The following KALRN variants were observed in gnomAD, a reference collection of about 807,000 sequenced individuals.
The protein encoded by KALRN is kalirin.
A neutral mutation model predicts 353.7 loss-of-function variants in KALRN; 70 were observed. The observed-to-expected ratio is 0.20, with a 90% CI of 0.16 to 0.24. The LOEUF (loss-of-function observed/expected upper bound fraction) is 0.24. Ranked by LOEUF, KALRN falls within the 10% of genes least tolerant of loss-of-function variation. The pLI is 1.00. For missense variants in KALRN, 2,791 were observed against 3,756.7 expected, an observed-to-expected ratio of 0.74 and a Z score of 6.72; for synonymous variants, 1,391 against 1,434.8, an observed-to-expected ratio of 0.97 and a Z score of 0.69.
chr3:124,204,897 T>TG (rs2076278594), intron 1 of KALRN, among the ~76,000 whole-genome samples: 1 of 152,246 alleles, frequency 6.6e-6, no homozygotes, highest in Non-Finnish European at 1.5e-5. Flanking sequence ...ATCAGCTTAT[T>TG]AGGAGAACTC....
At chr3:124,368,551 G>A (rs1269281459) in intron 10 of KALRN, among the ~76,000 whole-genome samples, 2 of 149,640 alleles carry the variant, frequency 1.3e-5, no homozygotes, top group Admixed American at 1.3e-4. Context: ...GATGGCGGCC[G>A]GGCGGAGACG....
In KALRN at chr3:124,724,051, G is replaced by T. The variant is rs192200844; in HGVS notation, c.*4581G>T. 1.5e-4 allele frequency: 22 copies of T among 149,880 alleles called. No homozygotes were observed. In the East Asian group the frequency reaches 2.5e-3, roughly 17 times the overall value. 9.3% of individuals were successfully genotyped at this position (149,880 alleles called of 1,614,324 possible). On this transcript the variant is annotated 3_prime_UTR_variant, in exon 60 of 60. Coordinates refer to ENST00000682506, the MANE Select transcript of KALRN (RefSeq NM_001388419.1). ...GAATCTTTTTTTTTTTTTTTAGGTG[G>T]TTAGGTCTTTTAGGAGTTGCATATT... is the stretch of plus-strand genomic sequence containing the variant.
chr3:124,547,751 C>A (rs1182488433), intron 33 of KALRN, among the ~76,000 whole-genome samples: 8 of 151,762 alleles, frequency 5.3e-5, no homozygotes, highest in Non-Finnish European at 8.8e-5. Flanking sequence ...TGCCCCTCCC[C>A]ACCCCCCAGC....
At chr3:124,495,965 G>GTATATGTA (rs2063708073) in intron 32 of KALRN, among the ~76,000 whole-genome samples, 1 of 41,478 alleles carries the variant, frequency 2.4e-5, no homozygotes, top group African/African-American at 1.4e-4. Context: ...GTGTATGTAT[G>GTATATGTA]TATATATATA....
intron 33 of KALRN, among the ~76,000 whole-genome samples, chr3:124,545,590 T>C (rs1229064714): frequency 6.6e-6 from 1 of 152,204 alleles, no homozygotes; most frequent in African/African-American, 2.4e-5. Flanking sequence ...TCCTGCCCTT[T>C]GCTAGAAGAG....
intron 16 of KALRN, among the ~76,000 whole-genome samples, chr3:124,432,815 C>G (rs1049446395): frequency 6.6e-6 from 1 of 152,198 alleles, no homozygotes; most frequent in African/African-American, 2.4e-5. Context: ...GGGTTTCTAT[C>G]TGGATACAAC....
At chr3:124,437,368 A>G (rs1411530675) in intron 17 of KALRN, among the ~76,000 whole-genome samples, 1 of 152,214 alleles carries the variant, frequency 6.6e-6, no homozygotes, top group Non-Finnish European at 1.5e-5. Context: ...AGTTCAGTTC[A>G]TAACTCAATG....
intron 5 of KALRN, among the ~76,000 whole-genome samples, chr3:124,294,110 G>C (rs574989615): frequency 6.6e-6 from 1 of 152,008 alleles, no homozygotes; most frequent in Non-Finnish European, 1.5e-5. Context: ...TCCAACTGAG[G>C]AATAGCACCT....
chr3:124,085,801 C>T (rs2060787299), intron 1 of KALRN, among the ~76,000 whole-genome samples: 1 of 152,148 alleles, frequency 6.6e-6, no homozygotes, highest in Admixed American at 6.5e-5. Flanking sequence ...CAATTCTCTA[C>T]CTTTCTTCAT....
intron 33 of KALRN, among the ~76,000 whole-genome samples, chr3:124,512,964 C>T (rs1205492796): frequency 2.0e-5 from 3 of 152,138 alleles, no homozygotes; most frequent in Admixed American, 1.3e-4. Flanking sequence ...GGGGTCCACC[C>T]TCTGCATGAA....
At chr3:124,373,515 A>G (rs1473737692) in intron 10 of KALRN, among the ~76,000 whole-genome samples, 2 of 152,210 alleles carry the variant, frequency 1.3e-5, no homozygotes, top group Admixed American at 6.5e-5. Context: ...TCTGGAGGCT[A>G]GAAGTCTGAG....
intron 33 of KALRN, among the ~76,000 whole-genome samples, chr3:124,523,451 A>C (rs1055789660): frequency 6.6e-6 from 1 of 152,208 alleles, no homozygotes; most frequent in Admixed American, 6.5e-5. Context: ...ATGCTAACTC[A>C]TTTTGTTATT....
intron 5 of KALRN, among the ~76,000 whole-genome samples, chr3:124,270,836 T>TTG (rs2074083879): frequency 6.7e-6 from 1 of 148,222 alleles, no homozygotes; most frequent in South Asian, 2.2e-4. Context: ...TTTTTTTTTT[T>TTG]TTTTTTTTTT....
intron 6 of KALRN, among the ~76,000 whole-genome samples, chr3:124,303,220 G>T (rs865840018): frequency 2.6e-5 from 4 of 152,246 alleles, no homozygotes; most frequent in African/African-American, 9.6e-5. Context: ...AAAATTGGTT[G>T]ATCTTTAGAT....
chr3:124,578,324 T>A (rs1214396831), intron 34 of KALRN, among the ~76,000 whole-genome samples: 1 of 152,202 alleles, frequency 6.6e-6, no homozygotes, highest in Non-Finnish European at 1.5e-5. Context: ...GGAATATTGA[T>A]TAGCCATCCC....
intron 37 of KALRN, among the ~76,000 whole-genome samples, chr3:124,638,827 A>G (rs1561493032): frequency 1.3e-5 from 2 of 152,196 alleles, no homozygotes; most frequent in Non-Finnish European, 2.9e-5. Flanking sequence ...GCCTCTTTAT[A>G]TCATTTTAAA....
chr3:124,172,786 G>A (rs1176878385), intron 1 of KALRN, among the ~76,000 whole-genome samples: 1 of 151,918 alleles, frequency 6.6e-6, no homozygotes, highest in Non-Finnish European at 1.5e-5. Context: ...GAAGTAATGG[G>A]GTAAGACCAT....
intron 16 of KALRN, 51 bp from the exon 17 acceptor site, chr3:124,434,256 A>T: frequency 6.7e-7 from 1 of 1,486,522 alleles, no homozygotes; most frequent in East Asian, 2.3e-5. Context: ...CCCCTCCCAT[A>T]CCACGCCTGG....
At chr3:124,179,646 A>G (rs2073284996) in intron 1 of KALRN, among the ~76,000 whole-genome samples, 1 of 152,276 alleles carries the variant, frequency 6.6e-6, no homozygotes. Context: ...TTACACCAGC[A>G]TCACCACATA....
Sources: allele counts gnomAD v4.1 joint callset (sites outside exome capture counted in the v4.1 genomes callset), GRCh38; gene constraint gnomAD v4.1.1; transcripts MANE v1.5; gene names NCBI Gene and HGNC (gene_info 2026-07-23, HGNC 2026-07-21).